GRM3: variants seen among roughly 807,000 people sequenced by gnomAD.
GRM3 encodes the protein glutamate metabotropic receptor 3.
In GRM3, 26 loss-of-function variants were observed where a neutral mutation model predicts 70.5. The observed-to-expected ratio is 0.37, with a 90% CI of 0.27 to 0.51. GRM3 has a LOEUF of 0.51. Among genes scored for constraint, GRM3 ranks in the 20% least tolerant of loss-of-function variants. The probability of loss-of-function intolerance (pLI) is 0.93; values close to 1 mark genes in which losing one functional copy is unlikely to be tolerated. For missense variants in GRM3, 859 were observed against 1,123.8 expected, an observed-to-expected ratio of 0.76 and a Z score of 3.37; for synonymous variants, 443 against 434.9, an observed-to-expected ratio of 1.02 and a Z score of -0.23.
At chr7:86,754,013 C>T (rs1449849539) in intron 1 of GRM3, among the ~76,000 whole-genome samples, 1 of 152,046 alleles carries the variant, frequency 6.6e-6, no homozygotes. Flanking sequence ...ACAGAATTTT[C>T]CAGCTAAGCA....
chr7:86,675,389 T>A (rs1348182694), intron 1 of GRM3, among the ~76,000 whole-genome samples: 1 of 152,124 alleles, frequency 6.6e-6, no homozygotes, highest in Non-Finnish European at 1.5e-5. Context: ...ATTCTGTGTC[T>A]GTTTTAGTTG....
intron 1 of GRM3, among the ~76,000 whole-genome samples, chr7:86,729,606 AAATT>A (rs1477414604): frequency 6.6e-6 from 1 of 152,258 alleles, no homozygotes; most frequent in Admixed American, 6.5e-5. Flanking sequence ...AATTTAAAGA[AAATT>A]AATATATACG....
intron 1 of GRM3, among the ~76,000 whole-genome samples, chr7:86,750,282 G>A (rs1471341736): frequency 1.3e-5 from 2 of 152,032 alleles, no homozygotes; most frequent in African/African-American, 4.8e-5. Context: ...TTTACACAAA[G>A]CTTTCCAAGT....
intron 2 of GRM3, among the ~76,000 whole-genome samples, chr7:86,766,848 A>G (rs571389193): frequency 2.0e-5 from 3 of 152,266 alleles, no homozygotes; most frequent in Admixed American, 2.0e-4. Flanking sequence ...TATGTCATGA[A>G]CCACTTAAAT....
At position 86,710,374 on chromosome 7, in the gene GRM3, A is replaced by G. The variant is rs527822609; in HGVS notation, c.-140-54632A>G. On this transcript the variant is annotated intron_variant, in intron 1 of 5. Transcript: ENST00000361669. ...TCATGTTTTTCCTAAGTCTTCTAAT[A>G]CAAATGACTGTTGTTTTGAAATTTC... Among the ~76,000 whole-genome samples the G allele has an allele frequency of 8.6e-5, 13 of 151,830 alleles. No individual in the cohort carries two copies. In the South Asian group the frequency reaches 2.7e-3, roughly 32 times the overall value.
At chr7:86,702,331 C>A (rs1227639325) in intron 1 of GRM3, among the ~76,000 whole-genome samples, 3 of 152,022 alleles carry the variant, frequency 2.0e-5, no homozygotes, top group Non-Finnish European at 4.4e-5. Flanking sequence ...TCCTGCATCT[C>A]TTCATCCCTT....
intron 1 of GRM3, among the ~76,000 whole-genome samples, chr7:86,718,155 T>C (rs1008107120): frequency 6.6e-6 from 1 of 152,006 alleles, no homozygotes; most frequent in Non-Finnish European, 1.5e-5. Context: ...AATGTAGATC[T>C]GTTACCATTT....
intron 3 of GRM3, among the ~76,000 whole-genome samples, chr7:86,806,823 G>A (rs1479868439): frequency 6.6e-6 from 1 of 151,862 alleles, no homozygotes; most frequent in Admixed American, 6.6e-5. Flanking sequence ...CCTTGCCCAT[G>A]CCTATGTCCT....
rs1798822291 is a variant in GRM3 at position 86,855,112 on chromosome 7, G to T, written c.2566+4568G>T. Among the ~76,000 whole-genome samples the T allele has an allele frequency of 1.3e-5, 2 of 152,136 alleles. 1 individual carries two copies. Among genetic ancestry groups the T allele is most frequent in the South Asian group, 4.1e-4 (2 of 4,826 alleles). On this transcript the variant is annotated intron_variant, in intron 5 of 5. Transcript: ENST00000361669. ...CATAAGCAAACATCCTTTGTATATG[G>T]ATGAAAAAGAGGTCATTTTTATTCT...
intron 3 of GRM3, among the ~76,000 whole-genome samples, chr7:86,811,168 C>T (rs567628380): frequency 1.2e-4 from 18 of 151,970 alleles, no homozygotes; most frequent in African/African-American, 4.3e-4. Flanking sequence ...TTGTTTACAG[C>T]ACATGAGGTA....
chr7:86,752,938 G>C (rs1317163025), intron 1 of GRM3, among the ~76,000 whole-genome samples: 4 of 152,064 alleles, frequency 2.6e-5, no homozygotes, highest in African/African-American at 9.7e-5. Flanking sequence ...TATCAACTGA[G>C]TGTGAGCACA....
intron 1 of GRM3, among the ~76,000 whole-genome samples, chr7:86,662,402 G>T (rs917075625): frequency 6.6e-6 from 1 of 151,802 alleles, no homozygotes; most frequent in African/African-American, 2.4e-5. Flanking sequence ...AAGAAGGAAT[G>T]AAGGAATAAA....
chr7:86,774,966 T>C (rs972366281), intron 2 of GRM3: 7 of 152,122 alleles, frequency 4.6e-5, no homozygotes, highest in African/African-American at 1.4e-4. Flanking sequence ...ATACAAGATT[T>C]AAAGGAATGT....
intron 1 of GRM3, among the ~76,000 whole-genome samples, chr7:86,717,721 C>T (rs936404864): frequency 4.0e-5 from 6 of 151,862 alleles, no homozygotes; most frequent in Non-Finnish European, 8.8e-5. Context: ...AGACGTGAAA[C>T]ATAAGGGTTT....
In GRM3 at chr7:86,839,522, T is replaced by A; in HGVS notation, c.2008T>A (p.Phe670Ile). Residue 670 changes from phenylalanine (F) to isoleucine (I), a missense_variant, in exon 4 of 6, where the codon TTC becomes ATC. Phe to Ile is a conservative substitution (Grantham distance 21). Transcript: ENST00000361669. This position sits in a 1 kb window ranked among gnomAD's most constrained non-coding sequence, Gnocchi z 4.5. The stretch of plus-strand genomic sequence containing the variant: ...CAAGACAAACTGCATTGCCCGCATC[T>A]TCGATGGGGTCAAGAATGGCGCTCA... ...LTKTNCIARI[F>I]DGVKNGAQRP... The A allele has an allele frequency of 6.2e-7, 1 of 1,607,364 alleles. No individual in the cohort carries two copies. Among genetic ancestry groups the A allele is most frequent in the Middle Eastern group, 1.7e-4 (1 of 6,002 alleles).
chr7:86,846,059 G>A (rs190470491), intron 4 of GRM3, among the ~76,000 whole-genome samples: 15 of 152,216 alleles, frequency 9.9e-5, no homozygotes, highest in Admixed American at 9.8e-4. Context: ...CATAAGGGTT[G>A]GGGAAGTTTT....
intron 1 of GRM3, among the ~76,000 whole-genome samples, chr7:86,740,349 C>G (rs1029049732): frequency 1.3e-5 from 2 of 151,924 alleles, no homozygotes; most frequent in Non-Finnish European, 1.5e-5. Flanking sequence ...TCCGGAAAAT[C>G]TGGAAAAGTC....
intron 1 of GRM3, among the ~76,000 whole-genome samples, chr7:86,719,128 GAAA>G (rs371406103): frequency 6.6e-6 from 1 of 151,066 alleles, no homozygotes; most frequent in Non-Finnish European, 1.5e-5. Context: ...AGTTCTGGGG[GAAA>G]AAAAAGATGT....
In GRM3 at chr7:86,692,874, A is replaced by C. The variant is rs1175014922; in HGVS notation, c.-141+48002A>C. 3.9e-5 allele frequency among the ~76,000 whole-genome samples: 6 copies of C among 152,210 alleles called. No homozygotes were observed. The East Asian group carries it at 1.2e-3, about 29-fold the overall frequency. Reference sequence around the variant, plus strand: ...TAATTCAAAAAACCAATAGTAAAGCAGGTGTCAGGTATGGGGCTCAGGACA... The same window carrying C: ...TAATTCAAAAAACCAATAGTAAAGCCGGTGTCAGGTATGGGGCTCAGGACA... On this transcript the variant is annotated intron_variant, in intron 1 of 5. Coordinates refer to ENST00000361669, the MANE Select transcript of GRM3 (RefSeq NM_000840.3).
Sources: gnomAD v4.1 joint callset for allele counts (sites outside exome capture counted in the v4.1 genomes callset) on GRCh38, gnomAD v4.1.1 for gene constraint, Gnocchi (gnomAD v3.1) non-coding constraint, MANE v1.5 for transcripts, NCBI Gene and HGNC (gene_info 2026-07-23, HGNC 2026-07-21) for gene names.